The following IL1B variants were observed in gnomAD, a reference collection of about 807,000 sequenced individuals.
IL1B encodes interleukin-1 beta.
Under a neutral mutation model 26.2 loss-of-function variants are expected in IL1B, and 11 were observed. That is an observed-to-expected ratio of 0.42 (90% CI 0.26 to 0.70). The LOEUF is 0.70. IL1B is among the 30% of genes least tolerant of loss of function. The pLI, the probability that IL1B is intolerant of heterozygous loss-of-function variation, is 0.25. For missense variants in IL1B, 255 were observed against 327.5 expected (o/e 0.78, Z 1.71); for synonymous variants, 118 against 120.8 (o/e 0.98, Z 0.15).
At chr2:112,831,455 C>T (rs1255098330) in intron 5 of IL1B, 33 bp from the exon 6 acceptor site, 44 of 1,610,750 alleles carry the variant, frequency 2.7e-5, no homozygotes, top group Non-Finnish European at 3.4e-5. Context: ...TGGTTAGGGA[C>T]ACAGCAGTGC....
chr2:112,835,183 C>T, intron 3 of IL1B: 1 of 333,678 alleles, frequency 3.0e-6, no homozygotes, highest in Middle Eastern at 1.1e-3. Context: ...AAGGGGTAGA[C>T]ATATGTTAGT....
Position 112,836,142 on chromosome 2 carries a change from G to C in IL1B, c.47+41C>G, listed in dbSNP as rs3917349. On this transcript the variant is annotated intron_variant, in intron 2 of 6. Transcript: ENST00000263341. ...CAGATAACACTCTACTCTTGAAAGA[G>C]GAGACCTGCTCATGTTACTGGTCTC... 2.2e-4 allele frequency: 343 copies of C among 1,593,096 alleles called. 1 individual carries two copies. In the African/African-American group the frequency reaches 3.5e-3, roughly 16 times the overall value.
At chr2:112,832,512 C>CA in intron 5 of IL1B, 150 bp downstream of exon 5, 1 of 844,686 alleles carries the variant, frequency 1.2e-6, no homozygotes, top group Admixed American at 2.1e-5. Flanking sequence ...TGTGCCATTT[C>CA]TAGGACCAAA....
At chr2:112,832,535 C>A in intron 5 of IL1B, 127 bp downstream of exon 5, 8 of 1,050,150 alleles carry the variant, frequency 7.6e-6, no homozygotes, top group Non-Finnish European at 1.0e-5. Flanking sequence ...TTGTATATTC[C>A]TTTTTAATAT....
intron 4 of IL1B, 186 bp from the exon 5 acceptor site, chr2:112,833,012 T>G (rs1682020215): frequency 3.0e-6 from 2 of 664,558 alleles, no homozygotes; most frequent in Non-Finnish European, 5.4e-6. Flanking sequence ...CTATTAGACA[T>G]GGGTTCCAGC....
Position 112,830,070 on chromosome 2 carries a change from A to G in IL1B, c.*291T>C, listed in dbSNP as rs567700928. 35 of 364,228 alleles carry G rather than the reference A, an allele frequency of 9.6e-5. No homozygotes were observed. Among genetic ancestry groups the G allele is most frequent in the African/African-American group, 6.9e-4 (34 of 49,172 alleles). 22.6% of individuals were successfully genotyped at this position (364,228 alleles called of 1,614,324 possible). A position where few individuals can be genotyped will look rare whatever the true frequency, so the allele number is the denominator to read the frequency against. On this transcript the variant is annotated 3_prime_UTR_variant, in exon 7 of 7. Coordinates refer to ENST00000263341, the MANE Select transcript of IL1B (RefSeq NM_000576.3). Reference sequence around the variant, plus strand: ...AGCGAATGACAGAGGGTTTCTTAGAACCAAATGTGGCCGTGGTTTCTGTCA... The same window carrying G: ...AGCGAATGACAGAGGGTTTCTTAGAGCCAAATGTGGCCGTGGTTTCTGTCA...
In IL1B at chr2:112,836,249, G is replaced by A; in HGVS notation, c.-15-5C>T. 6.2e-7 allele frequency: 1 copy of A among 1,611,866 alleles called. No individual in the cohort carries two copies. Among genetic ancestry groups the A allele is most frequent in the South Asian group, 1.1e-5 (1 of 91,034 alleles). On this transcript the variant is annotated splice_region_variant and splice_polypyrimidine_tract_variant and intron_variant, in intron 1 of 6. Coordinates refer to ENST00000263341, the MANE Select transcript of IL1B (RefSeq NM_000576.3). ...TGCCATGGCTGCTTCAGACACCTGT[G>A]TAAAAAGGAGAAAATGAGTGACTTC...
In IL1B at chr2:112,829,851, T is replaced by C. The variant is rs1052505661; in HGVS notation, c.*510A>G. On this transcript the variant is annotated 3_prime_UTR_variant, in exon 7 of 7. Transcript: ENST00000263341. ...TTAAATAATCTGAGCTTATATATTT[T>C]CAGTCTTAATTAAAGGACTTGATTT... 1.3e-5 allele frequency: 2 copies of C among 156,624 alleles called. No individual in the cohort carries two copies. Among genetic ancestry groups the C allele is most frequent in the Admixed American group, 1.2e-4 (2 of 16,276 alleles). The allele number at this position is 156,624 out of a possible 1,614,324, so 9.7% of individuals were successfully genotyped here.
At chr2:112,831,863 A>G (rs952995616) in intron 5 of IL1B, among the ~76,000 whole-genome samples, 3 of 152,210 alleles carry the variant, frequency 2.0e-5, no homozygotes, top group Non-Finnish European at 2.9e-5. Context: ...CCATGGGAAG[A>G]AACTGGGAGA....
At chr2:112,834,267 CTA>C (rs1682045879) in intron 3 of IL1B, among the ~76,000 whole-genome samples, 1 of 152,198 alleles carries the variant, frequency 6.6e-6, no homozygotes, top group African/African-American at 2.4e-5. Context: ...TGCTGTCACA[CTA>C]TGATTTGCTT....
chr2:112,832,199 G>A (rs1213380237), intron 5 of IL1B, among the ~76,000 whole-genome samples: 1 of 152,124 alleles, frequency 6.6e-6, no homozygotes, highest in Non-Finnish European at 1.5e-5. Context: ...CCTGCTGGGC[G>A]GTAAAATTTC....
intron 3 of IL1B, 68 bp from the exon 4 acceptor site, chr2:112,833,643 G>T: frequency 7.0e-7 from 1 of 1,419,648 alleles, no homozygotes; most frequent in Non-Finnish European, 9.9e-7. Flanking sequence ...TGACATCAGA[G>T]AGTAGAAAGC....
chr2:112,831,727 C>T lies in IL1B; in HGVS notation c.467-305G>A, dbSNP rs1012739687. Among the ~76,000 whole-genome samples the T allele has an allele frequency of 4.6e-5, 7 of 152,194 alleles. No individual in the cohort carries two copies. In the East Asian group the frequency reaches 1.2e-3, roughly 25 times the overall value. ...AGGAAGGAAGGAAGCCATTGTGTCACTGGCTGGCAATGTGCCCATCCACAG... is the reference window on the plus strand; with the variant it reads ...AGGAAGGAAGGAAGCCATTGTGTCATTGGCTGGCAATGTGCCCATCCACAG... On this transcript the variant is annotated intron_variant, in intron 5 of 6. Transcript: ENST00000263341.
At chr2:112,836,544 A>C (rs1682095278) in intron 1 of IL1B, 164 bp downstream of exon 1, 2 of 331,922 alleles carry the variant, frequency 6.0e-6, no homozygotes, top group Non-Finnish European at 1.2e-5. Context: ...ATTATATTAC[A>C]CCTGGCATTT....
intron 5 of IL1B, among the ~76,000 whole-genome samples, chr2:112,831,977 C>T (rs538289687): frequency 2.0e-5 from 3 of 152,272 alleles, no homozygotes; most frequent in South Asian, 2.1e-4. Context: ...TCTTACTACC[C>T]GATTCCAAAG....
In IL1B at chr2:112,833,862, G is replaced by A. The variant is rs142218178; in HGVS notation, c.100-287C>T. Among the ~76,000 whole-genome samples, 890 of 152,118 alleles carry A rather than the reference G, an allele frequency of 5.9e-3. 4 individuals carry two copies. The highest frequency in any genetic ancestry group is 9.3e-3 in the Non-Finnish European group (631 of 67,968). ...ACAAAAATTAGCTGGGTGTGGTGGG[G>A]TGCACCTGTAATCCTAGCTATTCAG... is the stretch of plus-strand genomic sequence containing the variant. On this transcript the variant is annotated intron_variant, in intron 3 of 6. Coordinates refer to ENST00000263341, the MANE Select transcript of IL1B (RefSeq NM_000576.3).
At chr2:112,831,486 GC>G in intron 5 of IL1B, 64 bp from the exon 6 acceptor site, 1 of 1,586,228 alleles carries the variant, frequency 6.3e-7, no homozygotes, top group Non-Finnish European at 8.6e-7. Context: ...CAACCCCTAG[GC>G]CCCATGAGTA....
At position 112,836,748 on chromosome 2, in the gene IL1B, C is replaced by G. The variant is rs1682101985; in HGVS notation, c.-56G>C. On this transcript the variant is annotated 5_prime_UTR_variant, in exon 1 of 7. Transcript: ENST00000263341. ...TGGCTGAAGAGAATCCCAGAGCAGCCTGTTGTGCCTTGTGCCTCGAAGAGG... is the reference window on the plus strand; with the variant it reads ...TGGCTGAAGAGAATCCCAGAGCAGCGTGTTGTGCCTTGTGCCTCGAAGAGG... 1 of 158,626 alleles carries G rather than the reference C, an allele frequency of 6.3e-6. No homozygotes were observed. The allele number at this position is 158,626 out of a possible 1,614,324, so 9.8% of individuals were successfully genotyped here.
chr2:112,834,790 A>T (rs982057794), intron 3 of IL1B, among the ~76,000 whole-genome samples: 25 of 152,250 alleles, frequency 1.6e-4, no homozygotes, highest in African/African-American at 6.0e-4. Flanking sequence ...CTGCCTCCCA[A>T]CCTGCACAAC....
Sources: gnomAD v4.1 joint callset for allele counts (sites outside exome capture counted in the v4.1 genomes callset) on GRCh38, gnomAD v4.1.1 for gene constraint, MANE v1.5 for transcripts, NCBI Gene and HGNC (gene_info 2026-07-23, HGNC 2026-07-21) for gene names.